Variants in RAB6A observed in about 807,000 individuals in gnomAD.
RAB6A encodes the protein ras-related protein Rab-6A.
In RAB6A, 8 loss-of-function variants were observed where a neutral mutation model predicts 32.3. That is an observed-to-expected ratio of 0.25 (90% CI 0.15 to 0.45). The LOEUF (loss-of-function observed/expected upper bound fraction) is 0.45, where lower values mean the gene tolerates loss of function less well. Among genes scored for constraint, RAB6A ranks in the 20% least tolerant of loss-of-function variants. The pLI, the probability that RAB6A is intolerant of heterozygous loss-of-function variation, is 1.00. For synonymous variants in RAB6A, 73 were observed against 82.1 expected, an observed-to-expected ratio of 0.89 and a Z score of 0.60; for missense variants, 104 against 249.4, an observed-to-expected ratio of 0.42 and a Z score of 3.93.
At chr11:73,760,069 G>T (rs2135028351) in intron 1 of RAB6A, 1 of 1,289,674 alleles carries the variant, frequency 7.8e-7, no homozygotes, top group Non-Finnish European at 1.0e-6. Flanking sequence ...TCAGCACTTC[G>T]CAGGGCCAAG....
chr11:73,696,093 A>AACTT (rs1430152803), intron 6 of RAB6A, among the ~76,000 whole-genome samples: 4 of 152,210 alleles, frequency 2.6e-5, no homozygotes, highest in African/African-American at 9.6e-5. Flanking sequence ...CAGTTTTACC[A>AACTT]ACTTACAGAA....
intron 1 of RAB6A, among the ~76,000 whole-genome samples, chr11:73,732,472 G>T (rs1160771404): frequency 6.6e-6 from 1 of 152,174 alleles, no homozygotes. Context: ...TGTAGTCTCA[G>T]CTACTTGGGA....
intron 2 of RAB6A, among the ~76,000 whole-genome samples, chr11:73,721,185 T>C (rs1456461028): frequency 6.6e-6 from 1 of 152,246 alleles, no homozygotes; most frequent in African/African-American, 2.4e-5. Flanking sequence ...TTTCTCATTT[T>C]ACAAATAACA....
intron 2 of RAB6A, among the ~76,000 whole-genome samples, chr11:73,721,283 C>T (rs934097169): frequency 6.6e-6 from 1 of 152,164 alleles, no homozygotes; most frequent in Non-Finnish European, 1.5e-5. Flanking sequence ...TAAGTATCTG[C>T]CCCAAGAGCA....
At chr11:73,722,344 T>TATA (rs1491252747) in intron 2 of RAB6A, 6 of 9,404 alleles carry the variant, frequency 6.4e-4, no homozygotes, top group African/African-American at 1.6e-3. Context: ...TATATATATA[T>TATA]TTTTTTTTTT....
chr11:73,756,281 G>C (rs936368587), intron 1 of RAB6A, among the ~76,000 whole-genome samples: 1 of 152,204 alleles, frequency 6.6e-6, no homozygotes, highest in African/African-American at 2.4e-5. Context: ...TTGAGCCTGG[G>C]AGGTGGAGGG....
At chr11:73,741,640 T>C (rs1946497434) in intron 1 of RAB6A, among the ~76,000 whole-genome samples, 2 of 152,120 alleles carry the variant, frequency 1.3e-5, no homozygotes, top group Non-Finnish European at 2.9e-5. Context: ...ACACAAACTG[T>C]GGTATATCCA....
intron 1 of RAB6A, among the ~76,000 whole-genome samples, chr11:73,731,745 C>A (rs765543934): frequency 5.5e-5 from 5 of 90,774 alleles, no homozygotes; most frequent in African/African-American, 9.3e-5. Flanking sequence ...CACACACACA[C>A]ATATTTTCTT....
intron 2 of RAB6A, among the ~76,000 whole-genome samples, chr11:73,728,610 A>AAACAATAATAAT (rs1555063851): frequency 7.3e-6 from 1 of 136,484 alleles, no homozygotes. Flanking sequence ...GTCTTTGTTT[A>AAACAATAATAAT]AATAATAATA....
At chr11:73,749,081 C>A (rs1017652010) in intron 1 of RAB6A, among the ~76,000 whole-genome samples, 1 of 151,704 alleles carries the variant, frequency 6.6e-6, no homozygotes, top group Non-Finnish European at 1.5e-5. Context: ...GCCGAGATCA[C>A]GACACTGCAC....
chr11:73,755,436 G>C (rs1483049257), intron 1 of RAB6A, among the ~76,000 whole-genome samples: 4 of 151,812 alleles, frequency 2.6e-5, no homozygotes, highest in Non-Finnish European at 5.9e-5. Flanking sequence ...TGGGACTACA[G>C]GCACGCACCA....
chr11:73,683,948 T>C (rs1355123914), intron 6 of RAB6A, among the ~76,000 whole-genome samples: 1 of 152,132 alleles, frequency 6.6e-6, no homozygotes, highest in Non-Finnish European at 1.5e-5. Context: ...AAAGAATCGA[T>C]CAATGCAGAA....
intron 2 of RAB6A, chr11:73,722,636 A>G (rs1308230200): frequency 6.6e-6 from 1 of 151,770 alleles, no homozygotes; most frequent in East Asian, 1.9e-4. Context: ...CACCCTGCCT[A>G]AAGATAATAT....
intron 6 of RAB6A, among the ~76,000 whole-genome samples, chr11:73,680,631 G>A (rs1266023645): frequency 6.6e-6 from 1 of 151,170 alleles, no homozygotes; most frequent in Non-Finnish European, 1.5e-5. Flanking sequence ...CAGCCTGGGC[G>A]ACACAGCAAG....
chr11:73,713,450 C>A (rs571171093), intron 5 of RAB6A, among the ~76,000 whole-genome samples: 1 of 152,140 alleles, frequency 6.6e-6, no homozygotes, highest in African/African-American at 2.4e-5. Flanking sequence ...GGTGCCTAGT[C>A]CCAGCTACTC....
chr11:73,750,036 T>G (rs1197119163), intron 1 of RAB6A, among the ~76,000 whole-genome samples: 2 of 152,172 alleles, frequency 1.3e-5, no homozygotes, highest in Non-Finnish European at 2.9e-5. Context: ...AAATATTTTT[T>G]TTAAATCTGC....
intron 5 of RAB6A, among the ~76,000 whole-genome samples, chr11:73,711,098 T>C (rs575162156): frequency 2.0e-5 from 3 of 152,318 alleles, no homozygotes; most frequent in African/African-American, 7.2e-5. Context: ...CTGGTATCTC[T>C]GAAGCAGTGG....
intron 5 of RAB6A, among the ~76,000 whole-genome samples, chr11:73,714,657 A>T (rs1273465373): frequency 6.6e-6 from 1 of 151,628 alleles, no homozygotes; most frequent in East Asian, 1.9e-4. Flanking sequence ...GCGAGACTCC[A>T]ACTCAAAAAT....
At position 73,716,246 on chromosome 11, in the gene RAB6A, C is replaced by T. The variant is rs778369250; in HGVS notation, c.401+5G>A. 3 of 1,584,544 alleles carry T rather than the reference C, an allele frequency of 1.9e-6. No individual in the cohort carries two copies. ...ACATTACACACATATAAAATAACTCCATACCTCTTGTCAGCAAGATCTGTT... is the reference window on the plus strand; with the variant it reads ...ACATTACACACATATAAAATAACTCTATACCTCTTGTCAGCAAGATCTGTT... On this transcript the variant is annotated splice_donor_5th_base_variant and intron_variant, in intron 5 of 7. Coordinates refer to ENST00000336083, the MANE Select transcript of RAB6A (RefSeq NM_198896.2).
Sources: allele counts gnomAD v4.1 joint callset (sites outside exome capture counted in the v4.1 genomes callset), GRCh38; gene constraint gnomAD v4.1.1; transcripts MANE v1.5; gene names NCBI Gene and HGNC (gene_info 2026-07-23, HGNC 2026-07-21).